Variants in HIF1A observed in about 807,000 individuals in gnomAD.
The protein encoded by HIF1A is hypoxia-inducible factor 1-alpha.
In HIF1A, 24 loss-of-function variants were observed where a neutral mutation model predicts 92.7. That is an observed-to-expected ratio of 0.26 (90% CI 0.19 to 0.36). HIF1A has a LOEUF of 0.36. Among genes scored for constraint, HIF1A ranks in the 10% least tolerant of loss-of-function variants. The pLI is 1.00. For missense variants in HIF1A, 799 were observed against 998.5 expected (o/e 0.80, Z 2.69); for synonymous variants, 319 against 338.7 (o/e 0.94, Z 0.64).
At chr14:61,698,641 C>G (rs1359468809) in intron 1 of HIF1A, among the ~76,000 whole-genome samples, 1 of 152,198 alleles carries the variant, frequency 6.6e-6, no homozygotes, top group African/African-American at 2.4e-5. Flanking sequence ...TCTTTTCTAT[C>G]TCCTGAAAGT....
chr14:61,709,682 T>C (rs2044284589), intron 1 of HIF1A, among the ~76,000 whole-genome samples: 1 of 152,208 alleles, frequency 6.6e-6, no homozygotes, highest in African/African-American at 2.4e-5. Context: ...TCTGAACATT[T>C]TTCTTTAGAA....
intron 1 of HIF1A, among the ~76,000 whole-genome samples, chr14:61,714,566 C>G (rs2044342417): frequency 6.6e-6 from 1 of 152,168 alleles, no homozygotes; most frequent in South Asian, 2.1e-4. Context: ...ACCCTTCCCA[C>G]TTAAAAACCA....
chr14:61,717,289 AC>A (rs1481036793), intron 1 of HIF1A, among the ~76,000 whole-genome samples: 1 of 152,210 alleles, frequency 6.6e-6, no homozygotes, highest in Non-Finnish European at 1.5e-5. Flanking sequence ...GCTGAAACTC[AC>A]AAGAACTTCA....
chr14:61,713,230 T>A (rs1171804979), intron 1 of HIF1A, among the ~76,000 whole-genome samples: 1 of 152,192 alleles, frequency 6.6e-6, no homozygotes, highest in African/African-American at 2.4e-5. Context: ...TTTAATGGGA[T>A]TTTAATCAGG....
chr14:61,709,627 A>AC (rs1257226233), intron 1 of HIF1A, among the ~76,000 whole-genome samples: 1 of 152,208 alleles, frequency 6.6e-6, no homozygotes, highest in Non-Finnish European at 1.5e-5. Flanking sequence ...AATGATCTAA[A>AC]CCAAGAAATT....
chr14:61,701,701 T>A (rs753599462), intron 1 of HIF1A, among the ~76,000 whole-genome samples: 2 of 152,128 alleles, frequency 1.3e-5, no homozygotes, highest in African/African-American at 4.8e-5. Context: ...AATTTGAAAT[T>A]TGTGGGCTGG....
rs188403818 is a variant in HIF1A, at chr14:61,713,263, T to C, written c.36-7119T>C. Among the ~76,000 whole-genome samples, 377 of 152,326 alleles carry C rather than the reference T, an allele frequency of 2.5e-3. 1 individual carries two copies. Among genetic ancestry groups the C allele is most frequent in the African/African-American group, 8.5e-3 (354 of 41,560 alleles). On this transcript the variant is annotated intron_variant, in intron 1 of 14. Transcript: ENST00000337138. ...AGGCCATAATGCCAAATTTCTTTAC[T>C]TCGGAAGGATCTTTATGGTGATGGT... is the stretch of plus-strand genomic sequence containing the variant.
At chr14:61,722,501 C>G (rs2044445934) in intron 4 of HIF1A, among the ~76,000 whole-genome samples, 1 of 152,062 alleles carries the variant, frequency 6.6e-6, no homozygotes, top group South Asian at 2.1e-4. Context: ...TCCCAAAGTG[C>G]TAGGATTATA....
At chr14:61,697,870 G>A in intron 1 of HIF1A, 2 of 1,517,946 alleles carry the variant, frequency 1.3e-6, no homozygotes, top group East Asian at 2.5e-5. Context: ...CAATGTCGGA[G>A]TTTGGAAAAC....
chr14:61,731,907 C>T (rs761427773), intron 6 of HIF1A, among the ~76,000 whole-genome samples: 1 of 152,156 alleles, frequency 6.6e-6, no homozygotes. Flanking sequence ...GAGGCCAAGG[C>T]GGGTGAATTA....
rs1212595983 is a variant in HIF1A, at chr14:61,734,133, C to T, written c.881-5C>T. ...CTGCATGATTCTTTTTCTTTTCCCC[C>T]CTAGTGTTTACTAAAGGACAAGTCA... On this transcript the variant is annotated splice_region_variant and splice_polypyrimidine_tract_variant and intron_variant, in intron 7 of 14. Coordinates refer to ENST00000337138, the MANE Select transcript of HIF1A (RefSeq NM_001530.4). The T allele has an allele frequency of 3.6e-5, 55 of 1,544,590 alleles. No individual in the cohort carries two copies. The highest frequency in any genetic ancestry group is 4.7e-5 in the East Asian group (2 of 42,552).
chr14:61,747,010 T>C lies in HIF1A; in HGVS notation c.2406T>C (p.Val802=), dbSNP rs1315936022. The part of the protein sequence containing the change: ...LPQLTSYDCE[V]NAPIQGSRNL... ...AGCTGACCAGTTATGATTGTGAAGT[T>C]AATGCTCCTATACAAGGCAGCAGAA... Residue 802 remains valine (V), a synonymous_variant, in exon 15 of 15, where the codon GTT becomes GTC. Transcript: ENST00000337138. 1 of 1,613,782 alleles carries C rather than the reference T, an allele frequency of 6.2e-7. No individual in the cohort carries two copies. Among genetic ancestry groups the C allele is most frequent in the East Asian group, 2.2e-5 (1 of 44,866 alleles).
chr14:61,738,401 G>A (rs779984366), intron 10 of HIF1A, 28 bp downstream of exon 10: 98 of 1,520,268 alleles, frequency 6.4e-5, no homozygotes, highest in Admixed American at 5.2e-4. Flanking sequence ...ATCAGAAAGG[G>A]ACAACTTTCA....
intron 1 of HIF1A, among the ~76,000 whole-genome samples, chr14:61,702,029 G>A (rs1475175036): frequency 6.6e-6 from 1 of 152,012 alleles, no homozygotes; most frequent in African/African-American, 2.4e-5. Flanking sequence ...ATACTGGTAC[G>A]TGGTGTACAC....
At chr14:61,697,862 A>G (rs976913804) in intron 1 of HIF1A, 27 of 1,518,708 alleles carry the variant, frequency 1.8e-5, no homozygotes, top group Admixed American at 8.5e-5. Context: ...TGAGCTCCCA[A>G]TGTCGGAGTT....
At chr14:61,706,012 T>A (rs1594858432) in intron 1 of HIF1A, among the ~76,000 whole-genome samples, 1 of 152,272 alleles carries the variant, frequency 6.6e-6, no homozygotes, top group Non-Finnish European at 1.5e-5. Context: ...TCTATTAAAG[T>A]TAAGCAAATA....
At chr14:61,743,790 A>G (rs954140792) in intron 12 of HIF1A, among the ~76,000 whole-genome samples, 1 of 152,216 alleles carries the variant, frequency 6.6e-6, no homozygotes, top group Non-Finnish European at 1.5e-5. Flanking sequence ...TTAGATATAC[A>G]TAGTTCATGT....
Position 61,699,736 on chromosome 14 carries a change from A to G in HIF1A, c.35+3897A>G, listed in dbSNP as rs557086395. Among the ~76,000 whole-genome samples, 8 of 152,264 alleles carry G rather than the reference A, an allele frequency of 5.3e-5. No individual in the cohort carries two copies. The South Asian group carries it at 1.7e-3, about 32-fold the overall frequency. On this transcript the variant is annotated intron_variant, in intron 1 of 14. Transcript: ENST00000337138. The stretch of plus-strand genomic sequence containing the variant: ...GATTTTTTAAACTTTGTGACTAGTT[A>G]TCCAGTGGGTGGATTTTACCCAGTG...
intron 12 of HIF1A, among the ~76,000 whole-genome samples, chr14:61,743,155 G>A (rs1319753195): frequency 2.0e-5 from 3 of 152,014 alleles, no homozygotes; most frequent in African/African-American, 7.2e-5. Context: ...CACCGCAACT[G>A]CCGCCTCGCT....
Sources: gnomAD v4.1 joint callset for allele counts (sites outside exome capture counted in the v4.1 genomes callset) on GRCh38, gnomAD v4.1.1 for gene constraint, MANE v1.5 for transcripts, NCBI Gene and HGNC (gene_info 2026-07-23, HGNC 2026-07-21) for gene names.